Variants in CHCHD3 observed in about 807,000 individuals in gnomAD.
CHCHD3 encodes MICOS complex subunit MIC19.
A neutral mutation model predicts 38.2 loss-of-function variants in CHCHD3; 20 were observed. That is an observed-to-expected ratio of 0.52 (90% confidence interval 0.37 to 0.76). CHCHD3 has a LOEUF of 0.76. CHCHD3 is among the 30% of genes least tolerant of loss of function. The pLI is 0.00. For missense variants in CHCHD3, 245 were observed against 279.2 expected (o/e 0.88, Z 0.87); for synonymous variants, 82 against 100.0 (o/e 0.82, Z 1.07).
At chr7:133,025,222 A>C (rs761838068) in intron 2 of CHCHD3, among the ~76,000 whole-genome samples, 1 of 152,228 alleles carries the variant, frequency 6.6e-6, no homozygotes, top group Non-Finnish European at 1.5e-5. Context: ...TGCTGATAAC[A>C]CAGCTGGAGC....
rs375514906 is a variant in CHCHD3 at position 132,860,508 on chromosome 7, C to T, written c.454-22039G>A. Among the ~76,000 whole-genome samples, 60 of 152,308 alleles carry T rather than the reference C, an allele frequency of 3.9e-4. 1 individual carries two copies. The South Asian group carries it at 0.012, about 30-fold the overall frequency. On this transcript the variant is annotated intron_variant, in intron 5 of 7. Coordinates refer to ENST00000262570, the MANE Select transcript of CHCHD3 (RefSeq NM_017812.4). ...CCAGTCCAGCACATCAGACAATCCC[C>T]ATGTTCAGGCCTTATTGGCTTCCTT...
At chr7:132,887,030 A>G (rs1809234800) in intron 4 of CHCHD3, 1 of 1,118,740 alleles carries the variant, frequency 8.9e-7, no homozygotes, top group Non-Finnish European at 1.1e-6. Context: ...ATTTAACAAC[A>G]TAAGTACTGT....
At chr7:133,074,713 T>TA (rs1381583438) in intron 1 of CHCHD3, among the ~76,000 whole-genome samples, 1 of 152,202 alleles carries the variant, frequency 6.6e-6, no homozygotes, top group African/African-American at 2.4e-5. Flanking sequence ...TTTAGAATCT[T>TA]AAAGCTATTT....
In CHCHD3 at chr7:133,055,851, T is replaced by C. The variant is rs150820888; in HGVS notation, c.169+14291A>G. 4.8e-4 allele frequency among the ~76,000 whole-genome samples: 73 copies of C among 151,940 alleles called. 1 individual carries two copies. The East Asian group carries it at 8.9e-3, about 19-fold the overall frequency. On this transcript the variant is annotated intron_variant, in intron 2 of 7. Transcript: ENST00000262570. ...ATATTAATTAAAAATAGTATAAAGA[T>C]GTAAGGATAGAGCCAGGGCAGTGGC...
chr7:132,878,955 A>G (rs1808980397), intron 5 of CHCHD3, among the ~76,000 whole-genome samples: 1 of 152,200 alleles, frequency 6.6e-6, no homozygotes, highest in Non-Finnish European at 1.5e-5. Context: ...GGAGTCAGAG[A>G]CAGCTATTCA....
intron 6 of CHCHD3, among the ~76,000 whole-genome samples, chr7:132,818,908 G>C (rs1807272424): frequency 6.6e-6 from 1 of 152,152 alleles, no homozygotes; most frequent in African/African-American, 2.4e-5. Context: ...GCATGTACTA[G>C]AGATGAACTC....
chr7:132,793,215 C>T lies in CHCHD3; in HGVS notation c.660+3227G>A, dbSNP rs189713639. Among the ~76,000 whole-genome samples the T allele has an allele frequency of 1.6e-4, 24 of 152,214 alleles. 1 individual carries two copies. The highest frequency in any genetic ancestry group is 1.2e-3 in the Admixed American group (18 of 15,300). Reference sequence around the variant, plus strand: ...TTGGTACAAGCAGCACCTCTCCTACCTTAGGTAGGTGTAGCAAGATAGAAT... The same window carrying T: ...TTGGTACAAGCAGCACCTCTCCTACTTTAGGTAGGTGTAGCAAGATAGAAT... On this transcript the variant is annotated intron_variant, in intron 7 of 7. Transcript: ENST00000262570.
At chr7:132,792,464 G>A (rs1428269824) in intron 7 of CHCHD3, among the ~76,000 whole-genome samples, 1 of 152,174 alleles carries the variant, frequency 6.6e-6, no homozygotes, top group Non-Finnish European at 1.5e-5. Context: ...GTAGCAGTGG[G>A]AGGCCAGGCA....
intron 2 of CHCHD3, among the ~76,000 whole-genome samples, chr7:133,051,757 C>T (rs1210938812): frequency 4.6e-5 from 7 of 152,092 alleles, no homozygotes; most frequent in African/African-American, 1.7e-4. Context: ...TACAAATAAG[C>T]TCATAATTAT....
At chr7:132,949,023 A>G (rs775463214) in intron 4 of CHCHD3, among the ~76,000 whole-genome samples, 2 of 152,164 alleles carry the variant, frequency 1.3e-5, no homozygotes, top group Non-Finnish European at 2.9e-5. Flanking sequence ...CAAAACGTCA[A>G]TGTGATTTAC....
intron 4 of CHCHD3, among the ~76,000 whole-genome samples, chr7:132,927,653 T>C (rs1810408303): frequency 6.6e-6 from 1 of 152,216 alleles, no homozygotes; most frequent in Non-Finnish European, 1.5e-5. Context: ...TATTAAACTG[T>C]TTAAAATTGA....
chr7:132,850,450 G>GTTTTTTTTTTTT (rs75016148), intron 5 of CHCHD3, among the ~76,000 whole-genome samples: 4 of 132,988 alleles, frequency 3.0e-5, no homozygotes, highest in Middle Eastern at 3.8e-3. Flanking sequence ...TTTTTTTTTT[G>GTTTTTTTTTTTT]TTTTTTTTTT....
At chr7:132,813,542 G>A (rs1399371920) in intron 6 of CHCHD3, 2 of 152,172 alleles carry the variant, frequency 1.3e-5, no homozygotes. Context: ...TCTCCACACA[G>A]TGTCTGGCAC....
chr7:132,891,368 T>G (rs1208567470), intron 4 of CHCHD3, among the ~76,000 whole-genome samples: 1 of 152,210 alleles, frequency 6.6e-6, no homozygotes, highest in Non-Finnish European at 1.5e-5. Context: ...ACATCAGCTA[T>G]AAGCAGATCC....
chr7:132,820,819 A>G (rs1807355902), intron 6 of CHCHD3, among the ~76,000 whole-genome samples: 1 of 152,060 alleles, frequency 6.6e-6, no homozygotes, highest in Non-Finnish European at 1.5e-5. Context: ...TTCAGTATAC[A>G]CTACCAACCT....
At chr7:132,833,296 A>G (rs1439471411) in intron 6 of CHCHD3, among the ~76,000 whole-genome samples, 4 of 152,186 alleles carry the variant, frequency 2.6e-5, no homozygotes, top group Non-Finnish European at 4.4e-5. Flanking sequence ...TTCCTTTTGA[A>G]TTAAGGTTAC....
chr7:132,839,934 C>G (rs1807896582), intron 5 of CHCHD3, among the ~76,000 whole-genome samples: 1 of 152,196 alleles, frequency 6.6e-6, no homozygotes, highest in Non-Finnish European at 1.5e-5. Context: ...ATGAACAGAA[C>G]AGTTGTAAGG....
chr7:132,985,123 G>A (rs1584621181), intron 3 of CHCHD3, among the ~76,000 whole-genome samples: 1 of 89,668 alleles, frequency 1.1e-5, no homozygotes, highest in African/African-American at 4.2e-5. Context: ...GAGGTGAGGG[G>A]CGCCTCTGCC....
At position 132,838,347 on chromosome 7, in the gene CHCHD3, G is replaced by A. The variant is rs1179376038; in HGVS notation, c.524+52C>T. On this transcript the variant is annotated intron_variant, in intron 6 of 7. Coordinates refer to ENST00000262570, the MANE Select transcript of CHCHD3 (RefSeq NM_017812.4). ...TCTGTGCAAAAAGCACTAAAACTGT[G>A]CTTTCATCTTGTTAAGAATAGTAAA... The A allele has an allele frequency of 2.5e-6, 3 of 1,219,950 alleles. No individual in the cohort carries two copies. In the East Asian group the frequency reaches 7.4e-5, roughly 30 times the overall value. The allele number at this position is 1,219,950 out of a possible 1,614,324, so 75.6% of individuals were successfully genotyped here.
Sources: allele counts gnomAD v4.1 joint callset (sites outside exome capture counted in the v4.1 genomes callset), GRCh38; gene constraint gnomAD v4.1.1; transcripts MANE v1.5; gene names NCBI Gene and HGNC (gene_info 2026-07-23, HGNC 2026-07-21).